TBL1XR1: variants seen among roughly 807,000 people sequenced by gnomAD.
The protein encoded by TBL1XR1 is TBL1X/Y related 1, also known as F-box-like/WD repeat-containing protein TBL1XR1.
Under a neutral mutation model 66.9 loss-of-function variants are expected in TBL1XR1, and 5 were observed. The observed-to-expected ratio is 0.07, with a 90% CI of 0.04 to 0.16. TBL1XR1 has a LOEUF of 0.16. Among genes scored for constraint, TBL1XR1 ranks in the 10% least tolerant of loss-of-function variants. TBL1XR1 has a pLI of 1.00. For missense variants in TBL1XR1, 238 were observed against 623.2 expected (o/e 0.38, Z 6.58); for synonymous variants, 210 against 206.0 (o/e 1.02, Z -0.17).
At chr3:177,183,616 T>C (rs1249855655) in intron 1 of TBL1XR1, among the ~76,000 whole-genome samples, 1 of 151,616 alleles carries the variant, frequency 6.6e-6, no homozygotes, top group Non-Finnish European at 1.5e-5. Context: ...GTTCAAGTGA[T>C]TCTCCTGCCT....
intron 10 of TBL1XR1, among the ~76,000 whole-genome samples, 194 bp downstream of exon 10, chr3:177,045,935 C>T (rs779323341): frequency 3.3e-5 from 5 of 152,118 alleles, no homozygotes; most frequent in Non-Finnish European, 7.4e-5. Flanking sequence ...CTTTATGGTA[C>T]ATTTCACAGA....
intron 1 of TBL1XR1, among the ~76,000 whole-genome samples, chr3:177,162,974 G>C (rs1046836861): frequency 2.6e-5 from 4 of 152,218 alleles, no homozygotes; most frequent in African/African-American, 7.2e-5. Context: ...CCTCTGTGAA[G>C]TCAGTCTGGC....
intron 14 of TBL1XR1, chr3:177,027,926 T>G (rs36034974): frequency 1.1e-4 from 16 of 151,986 alleles, no homozygotes; most frequent in Admixed American, 9.8e-4. Flanking sequence ...TGCTGAGATA[T>G]AAAAAATAAA....
intron 10 of TBL1XR1, among the ~76,000 whole-genome samples, chr3:177,045,674 T>TA (rs1716234847): frequency 1.3e-5 from 2 of 152,132 alleles, no homozygotes; most frequent in South Asian, 4.1e-4. Context: ...TACCTAAACT[T>TA]ATAGGAGTCT....
chr3:177,157,381 C>A (rs1457756533), intron 1 of TBL1XR1, among the ~76,000 whole-genome samples: 1 of 152,184 alleles, frequency 6.6e-6, no homozygotes, highest in African/African-American at 2.4e-5. Context: ...GTCATTAGTC[C>A]TATCACCCTC....
At chr3:177,062,280 G>T (rs1334202803) in intron 3 of TBL1XR1, among the ~76,000 whole-genome samples, 1 of 152,166 alleles carries the variant, frequency 6.6e-6, no homozygotes, top group Non-Finnish European at 1.5e-5. Context: ...TTTCTGTCAA[G>T]ATATTGTGAA....
Position 177,028,004 on chromosome 3 carries a change from C to T in TBL1XR1, c.1417-1530G>A, listed in dbSNP as rs1039384313. ...GGGGTTAAAAAAACAAAACAACTTT[C>T]TTTTAAAAAGCACTTACCAATCTCT... is the stretch of plus-strand genomic sequence containing the variant. On this transcript the variant is annotated intron_variant, in intron 14 of 15. Transcript: ENST00000457928. Among the ~76,000 whole-genome samples, 5 of 152,140 alleles carry T rather than the reference C, an allele frequency of 3.3e-5. No homozygotes were observed. In the East Asian group the frequency reaches 9.6e-4, roughly 29 times the overall value.
chr3:177,152,434 C>T (rs1250537076), intron 1 of TBL1XR1, among the ~76,000 whole-genome samples: 1 of 151,942 alleles, frequency 6.6e-6, no homozygotes, highest in African/African-American at 2.4e-5. Context: ...TTACAGGCAC[C>T]CACCACCACG....
chr3:177,074,993 A>G (rs1323246420), intron 2 of TBL1XR1, among the ~76,000 whole-genome samples: 1 of 152,230 alleles, frequency 6.6e-6, no homozygotes, highest in Non-Finnish European at 1.5e-5. Context: ...AAGACCACAA[A>G]GTACTCTCAA....
chr3:177,188,092 C>T (rs1195670328), intron 1 of TBL1XR1, among the ~76,000 whole-genome samples: 8 of 151,784 alleles, frequency 5.3e-5, no homozygotes, highest in Non-Finnish European at 7.4e-5. Flanking sequence ...CCACCACACC[C>T]GGCTAATTTC....
intron 2 of TBL1XR1, among the ~76,000 whole-genome samples, chr3:177,095,819 G>C (rs1026326579): frequency 4.6e-5 from 7 of 152,008 alleles, no homozygotes; most frequent in Non-Finnish European, 1.0e-4. Context: ...CTTGTGTCTA[G>C]GTAAAAGAAG....
intron 1 of TBL1XR1, among the ~76,000 whole-genome samples, chr3:177,137,359 G>A (rs768444018): frequency 3.9e-5 from 6 of 152,096 alleles, no homozygotes; most frequent in Non-Finnish European, 7.3e-5. Context: ...GGGCGTGGTG[G>A]TGTGTGCCTG....
chr3:177,079,834 G>A (rs1458885442), intron 2 of TBL1XR1: 1 of 151,224 alleles, frequency 6.6e-6, no homozygotes, highest in Non-Finnish European at 1.5e-5. Flanking sequence ...CACCCTGTAT[G>A]TGATGTTGCT....
chr3:177,097,399 G>A (rs187563297), intron 2 of TBL1XR1, among the ~76,000 whole-genome samples: 41 of 152,186 alleles, frequency 2.7e-4, no homozygotes, highest in African/African-American at 8.9e-4. Flanking sequence ...GAATCACTCT[G>A]ACTTCCAGTT....
In TBL1XR1 at chr3:177,020,959, C is replaced by A. The variant is rs1293867471; in HGVS notation, c.*4539G>T. ...GTAATTAACATGGTCCAGGACAGCA[C>A]AGAACATCTACATCAGTCTTCCTTA... On this transcript the variant is annotated 3_prime_UTR_variant, in exon 16 of 16. Transcript: ENST00000457928. The A allele has an allele frequency of 2.0e-5, 3 of 152,258 alleles. No homozygotes were observed. The highest frequency in any genetic ancestry group is 2.1e-4 in the South Asian group (1 of 4,826). The allele number at this position is 152,258 out of a possible 1,614,324, so 9.4% of individuals were successfully genotyped here. A position where few individuals can be genotyped will look rare whatever the true frequency, so the allele number is the denominator to read the frequency against.
rs189284362 is a variant in TBL1XR1 at position 177,051,565 on chromosome 3, T to A, written c.366A>T (p.Gly122=). Reference sequence around the variant, plus strand: ...CTGTGTTTTCTCCATTTTTTGCAGATCCTTGTTGGCTGGCTGCAGCTGCGG... The same window carrying A: ...CTGTGTTTTCTCCATTTTTTGCAGAACCTTGTTGGCTGGCTGCAGCTGCGG... ...AAAAAAASQQ[G]SAKNGENTAN... The change falls in exon 5 of 16, where the codon GGA becomes GGT. Residue 122 remains glycine, a synonymous_variant. Transcript: ENST00000457928. 83 of 1,613,788 alleles carry A rather than the reference T, an allele frequency of 5.1e-5. 1 individual carries two copies. The highest frequency in any genetic ancestry group is 6.0e-5 in the Non-Finnish European group (71 of 1,179,772).
At chr3:177,143,978 ATGG>A (rs777041946) in intron 1 of TBL1XR1, among the ~76,000 whole-genome samples, 54 of 152,174 alleles carry the variant, frequency 3.5e-4, no homozygotes, top group Non-Finnish European at 7.2e-4. Flanking sequence ...CAGGCCGGGC[ATGG>A]TGGCTCATGC....
At chr3:177,050,181 C>T (rs2108491112) in intron 6 of TBL1XR1, 43 bp from the exon 7 acceptor site, 1 of 1,599,710 alleles carries the variant, frequency 6.3e-7, no homozygotes, top group Non-Finnish European at 8.5e-7. Context: ...ATGACATTCT[C>T]ACGTATCAGA....
intron 1 of TBL1XR1, among the ~76,000 whole-genome samples, chr3:177,148,366 G>A (rs1239810646): frequency 6.6e-6 from 1 of 152,140 alleles, no homozygotes; most frequent in Non-Finnish European, 1.5e-5. Flanking sequence ...CTAGAAATTA[G>A]AATTTAAAAT....
Sources: allele counts gnomAD v4.1 joint callset (sites outside exome capture counted in the v4.1 genomes callset), GRCh38; gene constraint gnomAD v4.1.1; transcripts MANE v1.5; gene names NCBI Gene and HGNC (gene_info 2026-07-23, HGNC 2026-07-21).